CNTN1: variants seen among roughly 807,000 people sequenced by gnomAD.
The protein encoded by CNTN1 is contactin 1.
A neutral mutation model predicts 126.4 loss-of-function variants in CNTN1; 38 were observed. That is an observed-to-expected ratio of 0.30 (90% CI 0.23 to 0.39). CNTN1 has a LOEUF of 0.39. CNTN1 is among the 10% of genes least tolerant of loss of function. The pLI is 1.00. For synonymous variants in CNTN1, 413 were observed against 422.6 expected (o/e 0.98, Z 0.28); for missense variants, 1,009 against 1,248.4 (o/e 0.81, Z 2.89).
intron 1 of CNTN1, among the ~76,000 whole-genome samples, chr12:40,749,316 A>G (rs527770869): frequency 1.3e-5 from 2 of 152,228 alleles, no homozygotes; most frequent in African/African-American, 4.8e-5. Context: ...TCTATTGTCC[A>G]CCTTTCAGTT....
chr12:40,936,699 C>G, intron 9 of CNTN1, 82 bp from the exon 10 acceptor site: 1 of 1,551,556 alleles, frequency 6.4e-7, no homozygotes, highest in Admixed American at 1.7e-5. Context: ...ATTAGGTTAA[C>G]TAAATGTAAT....
intron 1 of CNTN1, among the ~76,000 whole-genome samples, chr12:40,876,786 T>C (rs1943683597): frequency 6.6e-6 from 1 of 152,162 alleles, no homozygotes; most frequent in African/African-American, 2.4e-5. Flanking sequence ...AGAAACATAA[T>C]TGTGTATCTG....
At chr12:40,769,604 T>C (rs1328991470) in intron 1 of CNTN1, among the ~76,000 whole-genome samples, 1 of 152,216 alleles carries the variant, frequency 6.6e-6, no homozygotes, top group East Asian at 1.9e-4. Context: ...TTTAGTTAGA[T>C]ACAGTGCATA....
intron 23 of CNTN1, among the ~76,000 whole-genome samples, 166 bp downstream of exon 23, chr12:41,029,385 T>A (rs1003965852): frequency 6.6e-6 from 1 of 152,164 alleles, no homozygotes; most frequent in African/African-American, 2.4e-5. Flanking sequence ...CTCTTATGAG[T>A]CACAAAAGTA....
At chr12:40,752,081 GT>G (rs1199896959) in intron 1 of CNTN1, among the ~76,000 whole-genome samples, 1 of 151,826 alleles carries the variant, frequency 6.6e-6, no homozygotes, top group East Asian at 1.9e-4. Flanking sequence ...ATTTTATTAA[GT>G]TTTTTTATGA....
In CNTN1 at chr12:40,884,412, AT is replaced by A. The variant is rs1943964590; in HGVS notation, c.-76-23943del. Among the ~76,000 whole-genome samples, 6 of 151,628 alleles carry A rather than the reference AT, an allele frequency of 4.0e-5. No homozygotes were observed. The South Asian group carries it at 1.2e-3, about 31-fold the overall frequency. On this transcript the variant is annotated intron_variant, in intron 1 of 23. Coordinates refer to ENST00000551295, the MANE Select transcript of CNTN1 (RefSeq NM_001843.4). ...AAGGCTTCCCTAATATTTTTATCAT[AT>A]TGCTCTATTATATGTAAACACATCA...
chr12:40,904,419 T>C (rs1325181197), intron 1 of CNTN1, among the ~76,000 whole-genome samples: 1 of 150,050 alleles, frequency 6.7e-6, no homozygotes, highest in Non-Finnish European at 1.5e-5. Flanking sequence ...TTTCATTCTT[T>C]CTTTTTTTTT....
At chr12:41,010,110 A>AAG (rs143964333) in intron 17 of CNTN1, among the ~76,000 whole-genome samples, 3,425 of 151,938 alleles carry the variant, frequency 0.023, 130 homozygotes, top group African/African-American at 0.075. Flanking sequence ...TAGAGAGGAG[A>AAG]AGAGAGAGAG....
intron 17 of CNTN1, among the ~76,000 whole-genome samples, chr12:41,008,341 G>C (rs1207925523): frequency 2.0e-5 from 3 of 152,202 alleles, no homozygotes; most frequent in Non-Finnish European, 2.9e-5. Context: ...TTGATGAAAT[G>C]AAATACTGGT....
In CNTN1 at chr12:40,981,024, G is replaced by T. The variant is rs1182290360; in HGVS notation, c.1920G>T (p.Gln640His). The T allele has an allele frequency of 6.2e-7, 1 of 1,613,514 alleles. No homozygotes were observed. The highest frequency in any genetic ancestry group is 1.7e-5 in the Admixed American group (1 of 59,986). Residue 640 changes from glutamine to histidine, a missense_variant, in exon 16 of 24, where the codon CAG (glutamine) becomes CAT (histidine). Coordinates refer to ENST00000551295, the MANE Select transcript of CNTN1 (RefSeq NM_001843.4). ...GTCCTATTTCTAAATACACTATCCA[G>T]ACCAAGACTATTCTTTCAGATGACT... is the stretch of plus-strand genomic sequence containing the variant. Reference protein sequence around the residue: ...NHSPISKYTIQTKTILSDDWK... With the variant: ...NHSPISKYTIHTKTILSDDWK...
intron 1 of CNTN1, among the ~76,000 whole-genome samples, chr12:40,893,916 G>A (rs1443493358): frequency 6.6e-6 from 1 of 151,974 alleles, no homozygotes; most frequent in East Asian, 1.9e-4. Context: ...AATATAATAC[G>A]TTCAAAACTA....
intron 1 of CNTN1, among the ~76,000 whole-genome samples, chr12:40,766,159 A>G (rs1939076991): frequency 6.6e-6 from 1 of 152,132 alleles, no homozygotes; most frequent in East Asian, 1.9e-4. Flanking sequence ...AGGGTTCGAG[A>G]TCAGTCTGGC....
At chr12:40,818,681 A>T (rs1265735467) in intron 1 of CNTN1, among the ~76,000 whole-genome samples, 1 of 152,050 alleles carries the variant, frequency 6.6e-6, no homozygotes, top group Non-Finnish European at 1.5e-5. Flanking sequence ...CAATTCATCC[A>T]TCTGATCCTC....
chr12:41,033,372 T>C (rs1949186798), intron 23 of CNTN1, among the ~76,000 whole-genome samples: 1 of 152,216 alleles, frequency 6.6e-6, no homozygotes, highest in African/African-American at 2.4e-5. Context: ...CATAAGCTAA[T>C]TTGGATTACT....
At position 40,880,485 on chromosome 12, in the gene CNTN1, C is replaced by T. The variant is rs528207784; in HGVS notation, c.-76-27872C>T. 3.3e-5 allele frequency among the ~76,000 whole-genome samples: 5 copies of T among 152,122 alleles called. No homozygotes were observed. In the South Asian group the frequency reaches 1.0e-3, roughly 32 times the overall value. ...TTGTCTGTAATGCCAAGTACAAATA[C>T]ATTTCTGCTTAAATGATATAGAAGT... On this transcript the variant is annotated intron_variant, in intron 1 of 23. Transcript: ENST00000551295.
At chr12:40,702,538 A>G (rs1051798703) in intron 1 of CNTN1, among the ~76,000 whole-genome samples, 1 of 152,076 alleles carries the variant, frequency 6.6e-6, no homozygotes, top group African/African-American at 2.4e-5. Flanking sequence ...TCTGCCTCCC[A>G]GGTTCAAGTG....
rs543831305 is a variant in CNTN1, at chr12:40,941,429, A to G, written c.1379+1944A>G. ...GCATAAATATAATCTTATTCTTCTG[A>G]ATATAATTATAAACAACATTTCCAC... On this transcript the variant is annotated intron_variant, in intron 12 of 23. Coordinates refer to ENST00000551295, the MANE Select transcript of CNTN1 (RefSeq NM_001843.4). Among the ~76,000 whole-genome samples, 3 of 152,248 alleles carry G rather than the reference A, an allele frequency of 2.0e-5. 1 individual carries two copies. The highest frequency in any genetic ancestry group is 7.2e-5 in the African/African-American group (3 of 41,592).
At chr12:40,872,525 G>GTTTACAA (rs1943536268) in intron 1 of CNTN1, among the ~76,000 whole-genome samples, 2 of 144,770 alleles carry the variant, frequency 1.4e-5, no homozygotes, top group South Asian at 2.2e-4. Flanking sequence ...TGATTATACT[G>GTTTACAA]TTTACAATAA....
chr12:40,948,731 TACAAGGCAATAC>T (rs1390461033), intron 14 of CNTN1, among the ~76,000 whole-genome samples: 8 of 152,258 alleles, frequency 5.3e-5, no homozygotes, highest in Non-Finnish European at 1.2e-4. Context: ...TTTGATGCTC[TACAAGGCAATAC>T]TGTTCAATTC....
Sources: allele counts gnomAD v4.1 joint callset (sites outside exome capture counted in the v4.1 genomes callset), GRCh38; gene constraint gnomAD v4.1.1; transcripts MANE v1.5; gene names NCBI Gene and HGNC (gene_info 2026-07-23, HGNC 2026-07-21).